Variants in TOP1MT observed in about 807,000 individuals in gnomAD.
The protein encoded by TOP1MT is DNA topoisomerase I mitochondrial.
In TOP1MT, 80 loss-of-function variants were observed where a neutral mutation model predicts 73.9. The observed-to-expected ratio is 1.08, with a 90% CI of 0.90 to 1.30. The LOEUF is 1.30. TOP1MT is among the 50% of genes most tolerant of loss of function. The pLI, the probability that TOP1MT is intolerant of heterozygous loss-of-function variation, is 0.00. For synonymous variants in TOP1MT, 338 were observed against 326.4 expected (o/e 1.04, Z -0.38); for missense variants, 815 against 808.0 (o/e 1.01, Z -0.10).
At chr8:143,334,570 CG>C (rs1461831005) in intron 1 of TOP1MT, among the ~76,000 whole-genome samples, 169 bp downstream of exon 1, 1 of 152,216 alleles carries the variant, frequency 6.6e-6, no homozygotes, top group East Asian at 1.9e-4. Context: ...CTGTACACCC[CG>C]GGCAGGAGGC....
chr8:143,331,840 G>C (rs1183657422), intron 1 of TOP1MT: 1 of 157,234 alleles, frequency 6.4e-6, no homozygotes, highest in African/African-American at 2.4e-5. Flanking sequence ...GCGCAGGACC[G>C]CCGCCCACAG....
chr8:143,347,308 C>T (rs142118402), upstream of TOP1MT, among the ~76,000 whole-genome samples: 989 of 152,330 alleles, frequency 6.5e-3, 19 homozygotes, highest in African/African-American at 0.023. Flanking sequence ...GTGCCCGCCA[C>T]CATGCCCAAC....
In TOP1MT at chr8:143,317,798, C is replaced by A; in HGVS notation, c.1255G>T (p.Gly419Trp). ...GTCCGGAACACCTTGGCCGTCAGCC[C>A]GTCCATCAGCTCCTGGAGGTGCTTG... ...LNKHLQELMD[G>W]LTAKVFRTYN... is the part of the protein sequence containing the mutation. The change falls in exon 10 of 14, where the codon GGG (glycine) becomes TGG (tryptophan). Residue 419 changes from glycine to tryptophan, a missense_variant. Transcript: ENST00000329245. 1.2e-6 allele frequency: 2 copies of A among 1,614,190 alleles called. No individual in the cohort carries two copies. The highest frequency in any genetic ancestry group is 1.7e-6 in the Non-Finnish European group (2 of 1,180,040).
chr8:143,330,804 C>G (rs989454825), intron 2 of TOP1MT, among the ~76,000 whole-genome samples: 1 of 152,194 alleles, frequency 6.6e-6, no homozygotes, highest in African/African-American at 2.4e-5. Context: ...TGGCTCAGCG[C>G]TCATGTCAAC....
upstream of TOP1MT, among the ~76,000 whole-genome samples, chr8:143,337,700 G>A (rs1817005614): frequency 6.6e-6 from 1 of 152,188 alleles, no homozygotes; most frequent in African/African-American, 2.4e-5. Flanking sequence ...TAAGGGAGGA[G>A]ACCACCTCTC....
At chr8:143,334,602 C>T (rs1299256971) in intron 1 of TOP1MT, 138 bp downstream of exon 1, 5 of 1,245,864 alleles carry the variant, frequency 4.0e-6, no homozygotes, top group South Asian at 3.1e-5. Context: ...CACCGCGGCA[C>T]GCATGCTCTC....
chr8:143,315,628 G>GGA (rs35506042), intron 12 of TOP1MT, 99 bp downstream of exon 12: 440,604 of 797,000 alleles, frequency 0.55, 128,082 homozygotes, highest in East Asian at 0.78. Flanking sequence ...CTCCGCACAA[G>GGA]GAGACAACAA....
chr8:143,323,318 G>T (rs1223051824), intron 7 of TOP1MT, among the ~76,000 whole-genome samples: 3 of 30,570 alleles, frequency 9.8e-5, no homozygotes, highest in African/African-American at 1.4e-4. Flanking sequence ...CTCACCACAC[G>T]CACGCCACAC....
intron 8 of TOP1MT, among the ~76,000 whole-genome samples, chr8:143,319,785 A>C (rs899880024): frequency 1.3e-5 from 2 of 151,564 alleles, no homozygotes; most frequent in African/African-American, 4.8e-5. Context: ...GTGTTCCCGA[A>C]ATTCATATCC....
intron 1 of TOP1MT, among the ~76,000 whole-genome samples, chr8:143,334,443 G>C (rs898296591): frequency 6.6e-6 from 1 of 152,192 alleles, no homozygotes; most frequent in Non-Finnish European, 1.5e-5. Context: ...CAGTGTTGAG[G>C]CCCAGGCACA....
At chr8:143,358,745 G>T (rs1347402267), upstream of TOP1MT, 11 of 152,146 alleles carry the variant, frequency 7.2e-5, no homozygotes, top group Non-Finnish European at 1.5e-4. Context: ...CTGGACCCAG[G>T]CAGCAGGGAC....
intron 7 of TOP1MT, among the ~76,000 whole-genome samples, chr8:143,321,658 A>ACACACACGCACGC (rs1406960404): frequency 1.4e-5 from 1 of 70,652 alleles, no homozygotes; most frequent in African/African-American, 5.4e-5. Flanking sequence ...CAGGCACGCC[A>ACACACACGCACGC]CACACACGCA....
rs1470596588 is a variant in TOP1MT at position 143,321,344 on chromosome 8, C to T, written c.1003G>A (p.Ala335Thr). The T allele has an allele frequency of 3.1e-6, 5 of 1,598,960 alleles. No individual in the cohort carries two copies. In the Admixed American group the frequency reaches 8.4e-5, roughly 27 times the overall value. ...AGGGAACAGCAGCCCACGGTGTCGG[C>T]CGCCTCACCGTCCTCCTTCTCATTT... ...AGNEKEDGEA[A>T]DTVGCCSLRV... is the part of the protein sequence containing the mutation. Residue 335 changes from alanine (A) to threonine (T), a missense_variant, in exon 8 of 14, where the codon GCC (alanine) becomes ACC (threonine). By Grantham distance (58) the Ala-to-Thr change is moderately conservative (BLOSUM62 0). This residue lies in a region of TOP1MT where 751 missense variants were observed against 725.4 expected (regional missense o/e 1.04). Coordinates refer to ENST00000329245, the MANE Select transcript of TOP1MT (RefSeq NM_052963.3).
At chr8:143,320,947 G>A (rs947097988) in intron 8 of TOP1MT, among the ~76,000 whole-genome samples, 3 of 152,178 alleles carry the variant, frequency 2.0e-5, no homozygotes, top group African/African-American at 4.8e-5. Flanking sequence ...CCGGCCGGGG[G>A]GCAGGAGACG....
At chr8:143,345,889 G>C (rs1817212150), upstream of TOP1MT, among the ~76,000 whole-genome samples, 1 of 152,242 alleles carries the variant, frequency 6.6e-6, no homozygotes, top group East Asian at 1.9e-4. Flanking sequence ...TGGAGGGTCT[G>C]ATTCTGCCCT....
chr8:143,317,699 A>C (rs1320301357), intron 10 of TOP1MT, 24 bp downstream of exon 10: 1 of 1,603,760 alleles, frequency 6.2e-7, no homozygotes, highest in African/African-American at 1.3e-5. Context: ...CCCCGCGCTG[A>C]GTGTGGGTGT....
intron 1 of TOP1MT, chr8:143,350,380 G>A (rs1817300458): frequency 1.3e-5 from 2 of 152,166 alleles, no homozygotes; most frequent in South Asian, 4.2e-4. Context: ...CATGCAGGTT[G>A]GAGTTCAGTG....
chr8:143,343,250 G>C (rs945655226), exon 2 of TOP1MT: 2 of 456,216 alleles, frequency 4.4e-6, no homozygotes, highest in Non-Finnish European at 8.8e-6. Context: ...GCTTTTCATG[G>C]TGATTAGTCT....
At chr8:143,347,211 G>C (rs566158480), upstream of TOP1MT, among the ~76,000 whole-genome samples, 1 of 152,068 alleles carries the variant, frequency 6.6e-6, no homozygotes, top group Non-Finnish European at 1.5e-5. Context: ...CTGGGGTGCA[G>C]TGGCGCGATC....
Sources: allele counts gnomAD v4.1 joint callset (sites outside exome capture counted in the v4.1 genomes callset), GRCh38; gene constraint gnomAD v4.1.1; regional missense constraint gnomAD v4.1.1; transcripts MANE v1.5; gene names NCBI Gene and HGNC (gene_info 2026-07-23, HGNC 2026-07-21).